Variants in RNF38 observed in about 807,000 individuals in gnomAD.
The protein encoded by RNF38 is ring finger protein 38, also known as E3 ubiquitin-protein ligase RNF38.
Under a neutral mutation model 67.2 loss-of-function variants are expected in RNF38, and 15 were observed. That is an observed-to-expected ratio of 0.22 (90% CI 0.15 to 0.34). The LOEUF (loss-of-function observed/expected upper bound fraction) is 0.34, where lower values mean the gene tolerates loss of function less well. RNF38 is among the 10% of genes least tolerant of loss of function. The pLI is 1.00. For missense variants in RNF38, 524 were observed against 639.9 expected, an observed-to-expected ratio of 0.82 and a Z score of 1.95; for synonymous variants, 220 against 218.8, an observed-to-expected ratio of 1.01 and a Z score of -0.05.
intron 1 of RNF38, among the ~76,000 whole-genome samples, chr9:36,456,643 C>A (rs1057195563): frequency 6.6e-6 from 1 of 151,976 alleles, no homozygotes; most frequent in South Asian, 2.1e-4. Context: ...TTCTCTGGGC[C>A]TCTTCCTGCA....
intron 1 of RNF38, among the ~76,000 whole-genome samples, chr9:36,428,249 T>A (rs1215978766): frequency 6.6e-6 from 1 of 151,686 alleles, no homozygotes; most frequent in Non-Finnish European, 1.5e-5. Flanking sequence ...AGCCTGTCTC[T>A]ACTAAAAATA....
At chr9:36,364,995 G>A (rs181681382) in intron 4 of RNF38, among the ~76,000 whole-genome samples, 1 of 152,296 alleles carries the variant, frequency 6.6e-6, no homozygotes, top group East Asian at 1.9e-4. Context: ...CATGGTCTCT[G>A]CACAAAGTAA....
intron 10 of RNF38, 119 bp downstream of exon 10, chr9:36,344,712 TA>T: frequency 1.1e-6 from 1 of 912,844 alleles, no homozygotes; most frequent in Non-Finnish European, 1.7e-6. Context: ...CTCTGACTCC[TA>T]AGCATTTTCT....
At chr9:36,345,396 G>A (rs1312321963) in intron 9 of RNF38, among the ~76,000 whole-genome samples, 1 of 152,128 alleles carries the variant, frequency 6.6e-6, no homozygotes, top group African/African-American at 2.4e-5. Flanking sequence ...GTAAAACAAA[G>A]TTAGTAACTT....
At chr9:36,449,458 T>C (rs1172759859) in intron 1 of RNF38, among the ~76,000 whole-genome samples, 1 of 151,648 alleles carries the variant, frequency 6.6e-6, no homozygotes, top group African/African-American at 2.4e-5. Context: ...TTTTTTGAGA[T>C]GGAGCATCAC....
intron 10 of RNF38, among the ~76,000 whole-genome samples, 163 bp downstream of exon 10, chr9:36,344,669 G>A (rs1833090278): frequency 6.6e-6 from 1 of 152,136 alleles, no homozygotes; most frequent in Admixed American, 6.5e-5. Flanking sequence ...TTTAGACTAT[G>A]AAATAAAGAT....
chr9:36,407,684 G>C (rs1838216255), intron 2 of RNF38, among the ~76,000 whole-genome samples: 1 of 152,156 alleles, frequency 6.6e-6, no homozygotes, highest in Admixed American at 6.5e-5. Context: ...CCACACTCTT[G>C]CTTGTTCTGT....
chr9:36,486,072 T>C (rs1840403358), intron 1 of RNF38, among the ~76,000 whole-genome samples: 1 of 152,162 alleles, frequency 6.6e-6, no homozygotes, highest in African/African-American at 2.4e-5. Flanking sequence ...TTCTCCAGAC[T>C]AGACACCGTC....
intron 4 of RNF38, among the ~76,000 whole-genome samples, chr9:36,359,565 G>A (rs1419691641): frequency 6.6e-6 from 1 of 151,992 alleles, no homozygotes; most frequent in African/African-American, 2.4e-5. Context: ...GTATCTTACT[G>A]GAAGAGTTAG....
In RNF38 at chr9:36,356,396, A is replaced by T; in HGVS notation, c.816T>A (p.Phe272Leu). 1.9e-6 allele frequency: 3 copies of T among 1,614,066 alleles called. No individual in the cohort carries two copies. The highest frequency in any genetic ancestry group is 2.5e-6 in the Non-Finnish European group (3 of 1,179,984). ...GAGAAAGGTGAGGAGGATGTATAAGAAATGGATCACTAGAAATAAGGGGTG... is the reference window on the plus strand; with the variant it reads ...GAGAAAGGTGAGGAGGATGTATAAGTAATGGATCACTAGAAATAAGGGGTG... The part of the protein sequence containing the change: ...AFPPLISSDP[F>L]LIHPPHLSPH... The change falls in exon 6 of 12, where the codon TTT becomes TTA. Residue 272 changes from phenylalanine to leucine, a missense_variant. Phe to Leu is a conservative substitution (Grantham distance 22, BLOSUM62 0). Coordinates refer to ENST00000259605, the MANE Select transcript of RNF38 (RefSeq NM_022781.5).
intron 1 of RNF38, among the ~76,000 whole-genome samples, chr9:36,456,500 T>C (rs1383167150): frequency 6.6e-6 from 1 of 150,704 alleles, no homozygotes; most frequent in African/African-American, 2.4e-5. Flanking sequence ...ATTATCAAAC[T>C]TTTTGATGCT....
At chr9:36,420,531 C>CAAAAAAAAAAAAAAAAAAAAAAAAAA (rs1447823341) in intron 2 of RNF38, among the ~76,000 whole-genome samples, 3 of 28,974 alleles carry the variant, frequency 1.0e-4, no homozygotes, top group Admixed American at 2.4e-4. Context: ...GACTCTGTCT[C>CAAAAAAAAAAAAAAAAAAAAAAAAAA]CAAAAAAAAA....
At chr9:36,427,512 AG>A (rs1838803217) in intron 1 of RNF38, among the ~76,000 whole-genome samples, 2 of 152,110 alleles carry the variant, frequency 1.3e-5, no homozygotes, top group Non-Finnish European at 2.9e-5. Flanking sequence ...GCTCATGAAT[AG>A]GATCAGTATC....
chr9:36,394,825 T>C (rs894781051), intron 1 of RNF38, among the ~76,000 whole-genome samples: 22 of 152,204 alleles, frequency 1.4e-4, no homozygotes, highest in South Asian at 2.1e-4. Flanking sequence ...CCAGGCCTAT[T>C]TAAAACCATT....
At chr9:36,479,083 T>C (rs1314921357) in intron 1 of RNF38, among the ~76,000 whole-genome samples, 4 of 152,210 alleles carry the variant, frequency 2.6e-5, no homozygotes, top group African/African-American at 9.6e-5. Flanking sequence ...AACACGTTCC[T>C]GTCACTATTA....
intron 1 of RNF38, among the ~76,000 whole-genome samples, chr9:36,479,591 C>A (rs984829588): frequency 6.6e-6 from 1 of 152,142 alleles, no homozygotes; most frequent in South Asian, 2.1e-4. Flanking sequence ...TTGCACCCCT[C>A]TATGCGATTC....
At chr9:36,402,056 C>A (rs2134166876), upstream of RNF38, among the ~76,000 whole-genome samples, 1 of 152,306 alleles carries the variant, frequency 6.6e-6, no homozygotes, top group Admixed American at 6.5e-5. Flanking sequence ...CCATATCAGA[C>A]TGAGCACCCA....
intron 1 of RNF38, among the ~76,000 whole-genome samples, chr9:36,453,971 G>A (rs987547628): frequency 5.9e-5 from 9 of 152,158 alleles, no homozygotes; most frequent in African/African-American, 1.9e-4. Context: ...GGTAGAAGTG[G>A]AGATGCATAA....
intron 2 of RNF38, among the ~76,000 whole-genome samples, chr9:36,380,039 T>C (rs1037120637): frequency 6.6e-6 from 1 of 152,144 alleles, no homozygotes; most frequent in Admixed American, 6.5e-5. Flanking sequence ...ATAGTTAAAA[T>C]CAACCTAGGA....
Sources: gnomAD v4.1 joint callset for allele counts (sites outside exome capture counted in the v4.1 genomes callset) on GRCh38, gnomAD v4.1.1 for gene constraint, MANE v1.5 for transcripts, NCBI Gene and HGNC (gene_info 2026-07-23, HGNC 2026-07-21) for gene names.